The following KBTBD11 variants were observed in gnomAD, a reference collection of about 807,000 sequenced individuals.
KBTBD11 encodes kelch repeat and BTB domain containing 11.
For synonymous variants in KBTBD11, 747 were observed against 499.0 expected (o/e 1.50, Z -6.63); for missense variants, 1,390 against 1,001.8 (o/e 1.39, Z -5.23).
At chr8:1,980,410 A>G (rs1816501052) in intron 1 of KBTBD11, among the ~76,000 whole-genome samples, 1 of 152,084 alleles carries the variant, frequency 6.6e-6, no homozygotes, top group African/African-American at 2.4e-5. Flanking sequence ...TATTTTTAGT[A>G]CAGATGGGGT....
rs1416391916 is a variant in KBTBD11, at chr8:2,004,845, A to G, written c.*1781A>G. 4.2e-5 allele frequency: 7 copies of G among 167,166 alleles called. No homozygotes were observed. In the South Asian group the frequency reaches 1.2e-3, roughly 30 times the overall value. 10.4% of individuals were successfully genotyped at this position (167,166 alleles called of 1,614,324 possible). A position where few individuals can be genotyped will look rare whatever the true frequency, so the allele number is the denominator to read the frequency against. ...TATTTACAGCAAAAGGAAACAAATA[A>G]TGTTCATTTTAAGCAATGTACCATT... is the stretch of plus-strand genomic sequence containing the variant. On this transcript the variant is annotated 3_prime_UTR_variant, in exon 2 of 2. Transcript: ENST00000320248.
At position 2,003,261 on chromosome 8, in the gene KBTBD11, TGGATGCCTTGAGACCCAGGAGGTGTGC is replaced by T; in HGVS notation, c.*203_*229del. On this transcript the variant is annotated 3_prime_UTR_variant, in exon 2 of 2. Coordinates refer to ENST00000320248, the MANE Select transcript of KBTBD11 (RefSeq NM_014867.3). Reference sequence around the variant, plus strand: ...TTTTGCTTGTCTTTGCTTCTGGGGGTGGATGCCTTGAGACCCAGGAGGTGTGCGGATGGGTCCCTTGACAGACAGGAC... The same window carrying T: ...TTTTGCTTGTCTTTGCTTCTGGGGGTGGATGGGTCCCTTGACAGACAGGAC... The T allele has an allele frequency of 6.9e-6, 6 of 867,022 alleles. No individual in the cohort carries two copies. Among genetic ancestry groups the T allele is most frequent in the Middle Eastern group, 4.1e-4 (1 of 2,452 alleles). 53.7% of individuals were successfully genotyped at this position (867,022 alleles called of 1,614,324 possible). A position where few individuals can be genotyped will look rare whatever the true frequency, so the allele number is the denominator to read the frequency against.
chr8:1,986,863 TTTTG>T (rs888607922), intron 1 of KBTBD11, among the ~76,000 whole-genome samples: 3 of 152,142 alleles, frequency 2.0e-5, no homozygotes, highest in African/African-American at 2.4e-5. Context: ...TTCAAATATT[TTTTG>T]TTTGTTTGTA....
rs1255583417 is a variant in KBTBD11, at chr8:2,001,503, C to T, written c.311C>T (p.Ala104Val). Residue 104 changes from alanine (A) to valine (V), a missense_variant, in exon 2 of 2, where the codon GCG becomes GTG. Transcript: ENST00000320248. ...PEERACPEEP[A>V]APSPEPRVWL... ...GAGCGCGCGTGCCCGGAAGAGCCCG[C>T]GGCGCCGTCCCCCGAACCGCGCGTT... is the stretch of plus-strand genomic sequence containing the variant. 3 of 1,392,996 alleles carry T rather than the reference C, an allele frequency of 2.2e-6. No homozygotes were observed. Among genetic ancestry groups the T allele is most frequent in the East Asian group, 3.1e-5 (1 of 32,454 alleles). 86.3% of individuals were successfully genotyped at this position (1,392,996 alleles called of 1,614,324 possible).
chr8:1,987,483 G>A (rs1382358877), intron 1 of KBTBD11, among the ~76,000 whole-genome samples: 8 of 152,006 alleles, frequency 5.3e-5, no homozygotes, highest in South Asian at 2.1e-4. Flanking sequence ...TTTAAACGCC[G>A]TCAGCAGATC....
Position 2,006,286 on chromosome 8 carries a change from C to G in KBTBD11, c.*3222C>G, listed in dbSNP as rs1242598389. On this transcript the variant is annotated 3_prime_UTR_variant, in exon 2 of 2. Coordinates refer to ENST00000320248, the MANE Select transcript of KBTBD11 (RefSeq NM_014867.3). ...TTGGAAATAGGATGTTTTCAACGTT[C>G]TTTTGTCTTTTGCTGAAGTCAGGAT... is the stretch of plus-strand genomic sequence containing the variant. 1 of 167,016 alleles carries G rather than the reference C, an allele frequency of 6.0e-6. No homozygotes were observed. Among genetic ancestry groups the G allele is most frequent in the South Asian group, 2.1e-4 (1 of 4,828 alleles). 10.3% of individuals were successfully genotyped at this position (167,016 alleles called of 1,614,324 possible).
intron 1 of KBTBD11, among the ~76,000 whole-genome samples, chr8:1,981,995 G>A (rs182047877): frequency 7.2e-5 from 11 of 152,186 alleles, no homozygotes; most frequent in Admixed American, 2.0e-4. Context: ...CTCATCTACC[G>A]GTCTATCTAG....
In KBTBD11 at chr8:2,000,382, G is replaced by A. The variant is rs940873511; in HGVS notation, c.-811G>A. The A allele has an allele frequency of 3.9e-5, 6 of 152,288 alleles. No homozygotes were observed. Among genetic ancestry groups the A allele is most frequent in the African/African-American group, 1.4e-4 (6 of 41,450 alleles). 9.4% of individuals were successfully genotyped at this position (152,288 alleles called of 1,614,324 possible). On this transcript the variant is annotated 5_prime_UTR_variant, in exon 2 of 2. Coordinates refer to ENST00000320248, the MANE Select transcript of KBTBD11 (RefSeq NM_014867.3). ...GCCCCGTGAGCGAGGACAGCCTCCA[G>A]GAGCACAGCGGCTTCTCCTAACATC...
intron 1 of KBTBD11, among the ~76,000 whole-genome samples, chr8:1,987,732 T>G (rs540450609): frequency 4.5e-4 from 68 of 151,464 alleles, no homozygotes; most frequent in Non-Finnish European, 8.2e-4. Context: ...GCCTTTATTA[T>G]TATTATTATT....
chr8:1,974,699 G>C, intron 1 of KBTBD11: 1 of 985,444 alleles, frequency 1.0e-6, no homozygotes, highest in Non-Finnish European at 1.2e-6. Context: ...GGTCTGGGCG[G>C]GATTCCGCAG....
chr8:1,990,510 G>A (rs113942146), intron 1 of KBTBD11, among the ~76,000 whole-genome samples: 7 of 65,036 alleles, frequency 1.1e-4, no homozygotes, highest in South Asian at 5.4e-4. Flanking sequence ...TAGATGCTGC[G>A]GGGCCTTGGC....
chr8:1,980,894 C>A (rs1179835217), intron 1 of KBTBD11, among the ~76,000 whole-genome samples: 3 of 152,224 alleles, frequency 2.0e-5, no homozygotes, highest in Non-Finnish European at 4.4e-5. Context: ...GTTGCATGGG[C>A]TGAGTTTCCC....
At chr8:1,983,709 C>A (rs1277005148) in intron 1 of KBTBD11, among the ~76,000 whole-genome samples, 2 of 152,196 alleles carry the variant, frequency 1.3e-5, no homozygotes, top group African/African-American at 4.8e-5. Flanking sequence ...GCAAATAAGA[C>A]CATGAATGTT....
At chr8:1,982,976 T>C (rs949715696) in intron 1 of KBTBD11, among the ~76,000 whole-genome samples, 3 of 152,218 alleles carry the variant, frequency 2.0e-5, no homozygotes, top group African/African-American at 7.2e-5. Context: ...TCTACTCACC[T>C]TGGCCTCTCA....
intron 1 of KBTBD11, among the ~76,000 whole-genome samples, chr8:1,980,848 G>C (rs1816517332): frequency 6.6e-6 from 1 of 152,206 alleles, no homozygotes; most frequent in Admixed American, 6.5e-5. Flanking sequence ...TTAACAATCT[G>C]CTCAAGCTGA....
At chr8:1,999,471 A>G (rs139027155) in intron 1 of KBTBD11, among the ~76,000 whole-genome samples, 17 of 152,332 alleles carry the variant, frequency 1.1e-4, no homozygotes, top group African/African-American at 4.1e-4. Flanking sequence ...TGTGGACTCT[A>G]AGACTCTAAG....
chr8:1,974,019 G>T, intron 1 of KBTBD11, 84 bp downstream of exon 1: 2 of 969,016 alleles, frequency 2.1e-6, no homozygotes, highest in Non-Finnish European at 2.5e-6. Context: ...AGGGGGCGGC[G>T]GGTGGGAGGT....
At chr8:1,997,781 A>G (rs1163147207) in intron 1 of KBTBD11, among the ~76,000 whole-genome samples, 6 of 152,224 alleles carry the variant, frequency 3.9e-5, no homozygotes, top group African/African-American at 1.2e-4. Context: ...CCTCCCAGTG[A>G]GAGTGCGACG....
chr8:1,987,317 C>T (rs1342425021), intron 1 of KBTBD11, among the ~76,000 whole-genome samples: 1 of 152,206 alleles, frequency 6.6e-6, no homozygotes, highest in African/African-American at 2.4e-5. Flanking sequence ...CACGTTGAGA[C>T]ATGCAGATCT....
Sources: allele counts gnomAD v4.1 joint callset (sites outside exome capture counted in the v4.1 genomes callset), GRCh38; gene constraint gnomAD v4.1.1; transcripts MANE v1.5; gene names NCBI Gene and HGNC (gene_info 2026-07-23, HGNC 2026-07-21).